The following PTGER3 variants were observed in gnomAD, a reference collection of about 807,000 sequenced individuals.
PTGER3 encodes prostaglandin E2 receptor EP3 subtype.
A neutral mutation model predicts 34.7 loss-of-function variants in PTGER3; 22 were observed. The ratio of observed to expected loss-of-function variants is 0.63; its 90% CI spans 0.45 to 0.91. PTGER3 has a LOEUF of 0.91. Among genes scored for constraint, PTGER3 ranks in the 40% least tolerant of loss-of-function variants. The pLI is 0.00. For missense variants in PTGER3, 468 were observed against 519.4 expected (o/e 0.90, Z 0.96); for synonymous variants, 241 against 230.1 (o/e 1.05, Z -0.43).
chr1:71,007,246 CATTT>C, intron 2 of PTGER3: 1 of 985,244 alleles, frequency 1.0e-6, no homozygotes, highest in Non-Finnish European at 1.2e-6. Flanking sequence ...TACTTACATT[CATTT>C]GTTACAAACA....
intron 1 of PTGER3, among the ~76,000 whole-genome samples, chr1:71,036,440 C>T (rs1162426665): frequency 6.6e-6 from 1 of 151,974 alleles, no homozygotes; most frequent in African/African-American, 2.4e-5. Flanking sequence ...TCACTTGAGC[C>T]CAATAGTTCA....
chr1:70,975,724 C>T (rs1653624087), intron 2 of PTGER3, among the ~76,000 whole-genome samples: 1 of 152,174 alleles, frequency 6.6e-6, no homozygotes, highest in African/African-American at 2.4e-5. Context: ...TGACCAATAC[C>T]TATTCCACAG....
At chr1:70,880,456 G>A (rs1317405971) in intron 4 of PTGER3, among the ~76,000 whole-genome samples, 7 of 151,174 alleles carry the variant, frequency 4.6e-5, no homozygotes, top group East Asian at 1.9e-4. Context: ...TTAGGAGGCC[G>A]AGGTGGGTGA....
At chr1:71,041,257 A>G (rs1660288675) in intron 1 of PTGER3, among the ~76,000 whole-genome samples, 1 of 152,218 alleles carries the variant, frequency 6.6e-6, no homozygotes, top group Admixed American at 6.5e-5. Flanking sequence ...GAACACTTAC[A>G]TTAGCCTACA....
intron 2 of PTGER3, among the ~76,000 whole-genome samples, chr1:70,963,515 G>T (rs1652172273): frequency 6.6e-6 from 1 of 152,146 alleles, no homozygotes; most frequent in South Asian, 2.1e-4. Flanking sequence ...TCAATTCCTG[G>T]CCTTTGTGTA....
intron 2 of PTGER3, chr1:71,007,393 A>T: frequency 2.0e-6 from 2 of 985,780 alleles, no homozygotes; most frequent in Non-Finnish European, 2.4e-6. Context: ...GGGAAGGAAG[A>T]GAGTTCAGCA....
At chr1:70,954,716 T>A (rs1245068348) in intron 2 of PTGER3, among the ~76,000 whole-genome samples, 1 of 152,190 alleles carries the variant, frequency 6.6e-6, no homozygotes, top group South Asian at 2.1e-4. Flanking sequence ...GTAAATTCAA[T>A]AGGGTCTCTT....
chr1:71,011,049 G>A, intron 2 of PTGER3: 8 of 985,606 alleles, frequency 8.1e-6, no homozygotes, highest in Non-Finnish European at 9.6e-6. Context: ...CAAGCTTTGT[G>A]TAGGCATAAC....
At chr1:71,041,994 G>A (rs1389194268) in intron 1 of PTGER3, among the ~76,000 whole-genome samples, 1 of 152,070 alleles carries the variant, frequency 6.6e-6, no homozygotes, top group Admixed American at 6.5e-5. Flanking sequence ...GTTAGTCCCA[G>A]AAAACTAAAC....
chr1:71,025,132 C>CCTTA (rs1271940537), intron 1 of PTGER3, among the ~76,000 whole-genome samples: 40 of 2,724 alleles, frequency 0.015, no homozygotes, highest in African/African-American at 0.043. Flanking sequence ...GATTCCAGGC[C>CCTTA]CTTCCTTCCT....
chr1:70,944,676 C>T (rs571523811), intron 4 of PTGER3, among the ~76,000 whole-genome samples: 50 of 152,186 alleles, frequency 3.3e-4, no homozygotes, highest in African/African-American at 1.2e-3. Flanking sequence ...ATGCCTAACC[C>T]TGTATCTGAA....
intron 2 of PTGER3, among the ~76,000 whole-genome samples, chr1:70,981,286 C>G (rs1654234992): frequency 7.9e-6 from 1 of 125,810 alleles, no homozygotes; most frequent in Non-Finnish European, 1.7e-5. Flanking sequence ...TCTTTTCTCT[C>G]TCTCTCTTCC....
At chr1:70,904,292 G>A (rs2100353152) in intron 4 of PTGER3, among the ~76,000 whole-genome samples, 1 of 152,186 alleles carries the variant, frequency 6.6e-6, no homozygotes, top group Middle Eastern at 3.4e-3. Context: ...TATCAGTAGT[G>A]TGAAAACAGA....
At chr1:70,973,701 A>C (rs1653383890) in intron 3 of PTGER3, among the ~76,000 whole-genome samples, 2 of 152,200 alleles carry the variant, frequency 1.3e-5, no homozygotes, top group Non-Finnish European at 2.9e-5. Context: ...AAAAGAAAAA[A>C]ATCACACAAT....
At chr1:70,936,293 G>A (rs1054738687) in intron 4 of PTGER3, among the ~76,000 whole-genome samples, 11 of 152,094 alleles carry the variant, frequency 7.2e-5, no homozygotes, top group Non-Finnish European at 1.3e-4. Context: ...TAGCTGCAGA[G>A]GTAGAAAGTG....
In PTGER3 at chr1:71,046,747, C is replaced by G. The variant is rs115682069; in HGVS notation, c.831G>C (p.Thr277=). The G allele has an allele frequency of 5.4e-5, 87 of 1,612,318 alleles. No individual in the cohort carries two copies. In the African/African-American group the frequency reaches 1.1e-3, roughly 20 times the overall value. The change falls in exon 1 of 4, where the codon ACG becomes ACC. Residue 277 remains threonine, a synonymous_variant. Coordinates refer to ENST00000306666, the MANE Select transcript of PTGER3 (RefSeq NM_198719.2). ...CCATAAGCTGAATGGCCGTCTCGGT[C>G]GTGATGCGGCCCCACTGGGCACTGG... The part of the protein sequence containing the change: ...SQSSAQWGRI[T]TETAIQLMGI...
At chr1:70,928,133 T>A (rs368974462) in intron 4 of PTGER3, among the ~76,000 whole-genome samples, 43 of 145,506 alleles carry the variant, frequency 3.0e-4, no homozygotes, top group Admixed American at 1.5e-3. Flanking sequence ...ATATATATAT[T>A]TATATATATA....
chr1:70,885,494 A>G (rs1376441674), intron 4 of PTGER3, among the ~76,000 whole-genome samples: 2 of 152,226 alleles, frequency 1.3e-5, no homozygotes, highest in African/African-American at 4.8e-5. Flanking sequence ...TTTTGCATAC[A>G]AAACAATATG....
intron 4 of PTGER3, among the ~76,000 whole-genome samples, chr1:70,875,961 G>A (rs1415060522): frequency 1.3e-5 from 2 of 152,164 alleles, no homozygotes; most frequent in East Asian, 1.9e-4. Context: ...ACTCAATAAT[G>A]GGATTGCTGG....
Sources: gnomAD v4.1 joint callset for allele counts (sites outside exome capture counted in the v4.1 genomes callset) on GRCh38, gnomAD v4.1.1 for gene constraint, MANE v1.5 for transcripts, NCBI Gene and HGNC (gene_info 2026-07-23, HGNC 2026-07-21) for gene names.